OAS3: variants seen among roughly 807,000 people sequenced by gnomAD.
OAS3 encodes the protein 2'-5'-oligoadenylate synthetase 3, also known as 2'-5'-oligoadenylate synthase 3.
Under a neutral mutation model 113.0 loss-of-function variants are expected in OAS3, and 107 were observed. The observed-to-expected ratio is 0.95, with a 90% CI of 0.81 to 1.11. The LOEUF is 1.11. Ranked by LOEUF, OAS3 falls within the 50% of genes most tolerant of loss-of-function variation. The pLI, the probability that OAS3 is intolerant of heterozygous loss-of-function variation, is 0.00. For synonymous variants in OAS3, 552 were observed against 573.6 expected (o/e 0.96, Z 0.54); for missense variants, 1,258 against 1,389.1 (o/e 0.91, Z 1.50).
chr12:112,946,906 T>G lies in OAS3; in HGVS notation c.800T>G (p.Val267Gly), dbSNP rs1263865893. Residue 267 changes from valine to glycine, a missense_variant, in exon 4 of 16, where the codon GTT (valine) becomes GGT (glycine). By Grantham distance (109) the Val-to-Gly change is moderately radical. Transcript: ENST00000228928. ...ATCCAACAGCATCAGCACCTGTGTG[T>G]TTTCTGGACTGTCAACTATGGCTTC... The part of the protein sequence containing the change: ...GLIQQHQHLC[V>G]FWTVNYGFED... 8.7e-6 allele frequency: 14 copies of G among 1,613,886 alleles called. No individual in the cohort carries two copies. Among genetic ancestry groups the G allele is most frequent in the Middle Eastern group, 1.6e-4 (1 of 6,084 alleles).
intron 12 of OAS3, among the ~76,000 whole-genome samples, chr12:112,966,684 T>C (rs973529414): frequency 6.6e-6 from 1 of 152,172 alleles, no homozygotes; most frequent in Non-Finnish European, 1.5e-5. Flanking sequence ...CTTTATCACC[T>C]GGCCTGGAGT....
At chr12:112,946,665 C>A in intron 3 of OAS3, 78 bp from the exon 4 acceptor site, 5 of 1,305,634 alleles carry the variant, frequency 3.8e-6, no homozygotes, top group Non-Finnish European at 5.3e-6. Flanking sequence ...TGGAAGGTCC[C>A]CAGTCTGGTT....
rs764188903 is a variant in OAS3, at chr12:112,948,060, G to A, written c.990G>A (p.Leu330=). The A allele has an allele frequency of 1.3e-6, 2 of 1,581,398 alleles. No individual in the cohort carries two copies. The highest frequency in any genetic ancestry group is 1.2e-5 in the South Asian group (1 of 86,738). The part of the protein sequence containing the change: ...AASCYDHPCF[L]RGMGDPVQSW... ...CCTGCTATGACCACCCATGCTTTCT[G>A]AGGGGGATGGGGGACCCAGTGCAGT... The change falls in exon 5 of 16, where the codon CTG becomes CTA. Residue 330 remains leucine (L), a synonymous_variant. Coordinates refer to ENST00000228928, the MANE Select transcript of OAS3 (RefSeq NM_006187.4).
At chr12:112,952,295 T>C (rs761346961) in intron 7 of OAS3, among the ~76,000 whole-genome samples, 1 of 152,230 alleles carries the variant, frequency 6.6e-6, no homozygotes, top group Non-Finnish European at 1.5e-5. Flanking sequence ...AAGTTATCTT[T>C]GTCTTAAAGC....
chr12:112,942,529 A>G (rs1375543863), intron 2 of OAS3, among the ~76,000 whole-genome samples: 6 of 152,068 alleles, frequency 3.9e-5, no homozygotes, highest in Admixed American at 3.3e-4. Context: ...CAAAATAGCA[A>G]GATCTAGTCT....
At position 112,963,293 on chromosome 12, in the gene OAS3, C is replaced by T. The variant is rs1593183944; in HGVS notation, c.2085-20C>T. 3.9e-6 allele frequency: 6 copies of T among 1,557,764 alleles called. No individual in the cohort carries two copies. The highest frequency in any genetic ancestry group is 5.2e-6 in the Non-Finnish European group (6 of 1,148,348). ...CACTGACTCCCACCTTCCCCACCCA[C>T]CTTCCTGCTGTGCCCCCAGACCCCT... On this transcript the variant is annotated intron_variant, in intron 9 of 15. Coordinates refer to ENST00000228928, the MANE Select transcript of OAS3 (RefSeq NM_006187.4). The surrounding 1 kb of genome is among the most constrained non-coding windows in gnomAD (Gnocchi z 4.6).
Position 112,950,702 on chromosome 12 carries a change from T to C in OAS3, c.1384T>C (p.Phe462Leu), listed in dbSNP as rs1378250552. The C allele has an allele frequency of 1.9e-6, 3 of 1,613,940 alleles. No homozygotes were observed. Among genetic ancestry groups the C allele is most frequent in the Non-Finnish European group, 2.5e-6 (3 of 1,179,844 alleles). Residue 462 changes from phenylalanine (F) to leucine (L), a missense_variant, in exon 7 of 16, where the codon TTT becomes CTT. Phe to Leu is a conservative substitution (Grantham distance 22). Coordinates refer to ENST00000228928, the MANE Select transcript of OAS3 (RefSeq NM_006187.4). ...GTTCTTCCCTCCACAGGGGGGCTCA[T>C]TTGGCCGGGGCACAGACCTAAGGGA... is the stretch of plus-strand genomic sequence containing the variant. ...KASRVSKGGS[F>L]GRGTDLRDGC...
Position 112,946,704 on chromosome 12 carries a change from C to T in OAS3, c.637-39C>T, listed in dbSNP as rs1181929981. The T allele has an allele frequency of 5.2e-6, 8 of 1,543,590 alleles. No individual in the cohort carries two copies. In the East Asian group the frequency reaches 1.4e-4, roughly 28 times the overall value. On this transcript the variant is annotated intron_variant, in intron 3 of 15. Transcript: ENST00000228928. ...CAGAGAGCTGGCTCTCTTTCCTCCCCTTCTTCCTTCTGAGTCCCCTGCCGA... is the reference window on the plus strand; with the variant it reads ...CAGAGAGCTGGCTCTCTTTCCTCCCTTTCTTCCTTCTGAGTCCCCTGCCGA...
intron 7 of OAS3, among the ~76,000 whole-genome samples, chr12:112,955,779 T>C (rs954403395): frequency 7.9e-5 from 12 of 152,212 alleles, no homozygotes; most frequent in Non-Finnish European, 1.6e-4. Context: ...CGCATAGATG[T>C]TCATCAGGGA....
At chr12:112,964,037 G>A (rs369212635) in intron 10 of OAS3, among the ~76,000 whole-genome samples, 198 bp from the exon 11 acceptor site, 2 of 152,344 alleles carry the variant, frequency 1.3e-5, no homozygotes, top group African/African-American at 2.4e-5. Context: ...GGGAAACTGA[G>A]ACTGTGTATT....
intron 11 of OAS3, among the ~76,000 whole-genome samples, chr12:112,965,464 A>G (rs1267361989): frequency 6.6e-6 from 1 of 152,316 alleles, no homozygotes; most frequent in East Asian, 1.9e-4. Context: ...CTGCAGGCCC[A>G]AAAAACCAAC....
Position 112,970,053 on chromosome 12 carries a change from AC to A in OAS3, c.*82del, listed in dbSNP as rs2043970634. Reference sequence around the variant, plus strand: ...AGCATGAGGAAATTCAGGGTCCCCTACCAGATGAGAGAGATTGTGTACATGT... The same window carrying A: ...AGCATGAGGAAATTCAGGGTCCCCTACAGATGAGAGAGATTGTGTACATGT... On this transcript the variant is annotated 3_prime_UTR_variant, in exon 16 of 16. Transcript: ENST00000228928. 6 of 1,502,294 alleles carry A rather than the reference AC, an allele frequency of 4.0e-6. No homozygotes were observed. The South Asian group carries it at 7.1e-5, about 18-fold the overall frequency. 93.1% of individuals were successfully genotyped at this position (1,502,294 alleles called of 1,614,324 possible).
At chr12:112,967,344 G>T in intron 12 of OAS3, 74 bp from the exon 13 acceptor site, 1 of 1,419,280 alleles carries the variant, frequency 7.0e-7, no homozygotes, top group Non-Finnish European at 9.6e-7. Context: ...GGAGATCTCA[G>T]AAGTCCTTTC....
rs773134875 is a variant in OAS3, at chr12:112,944,499, C to T, written c.484C>T (p.Pro162Ser). ...VLGQAGSGVKPKPQVYSTLLN... is the reference protein window; with the variant it reads ...VLGQAGSGVKSKPQVYSTLLN... The stretch of plus-strand genomic sequence containing the variant: ...AGGTCAGGCCGGCTCCGGCGTCAAA[C>T]CCAAGCCACAAGTCTACTCTACCCT... The change falls in exon 3 of 16, where the codon CCC (proline) becomes TCC (serine). Residue 162 changes from proline (P) to serine (S), a missense_variant. By Grantham distance (74) the Pro-to-Ser change is moderately conservative. Transcript: ENST00000228928. 3 of 1,614,070 alleles carry T rather than the reference C, an allele frequency of 1.9e-6. No homozygotes were observed. The highest frequency in any genetic ancestry group is 2.5e-6 in the Non-Finnish European group (3 of 1,179,906).
chr12:112,964,599 G>A (rs879901292), intron 11 of OAS3, among the ~76,000 whole-genome samples, 191 bp downstream of exon 11: 2 of 151,798 alleles, frequency 1.3e-5, no homozygotes, highest in Non-Finnish European at 1.5e-5. Flanking sequence ...GTCTCTTTTG[G>A]TTGCTAGTGA....
chr12:112,949,025 C>A lies in OAS3; in HGVS notation c.1194C>A (p.Val398=). The A allele has an allele frequency of 6.2e-7, 1 of 1,614,074 alleles. No homozygotes were observed. Among genetic ancestry groups the A allele is most frequent in the Non-Finnish European group, 8.5e-7 (1 of 1,179,898 alleles). The change falls in exon 6 of 16, where the codon GTC becomes GTA. Residue 398 remains valine, a synonymous_variant. Coordinates refer to ENST00000228928, the MANE Select transcript of OAS3 (RefSeq NM_006187.4). ...APGPTGAASI[V]PSVPGMALDL... is the part of the protein sequence containing the mutation. ...GCCCCACTGGGGCAGCCAGCATCGT[C>A]CCCTCTGTGCCGGGAATGGCCTTGG...
chr12:112,941,215 A>T (rs1036756581), intron 1 of OAS3, among the ~76,000 whole-genome samples: 3 of 151,836 alleles, frequency 2.0e-5, no homozygotes, highest in African/African-American at 7.3e-5. Flanking sequence ...AAAATGTAAA[A>T]ACTAGCCAGG....
chr12:112,962,912 C>A lies in OAS3; in HGVS notation c.2084+10C>A, dbSNP rs757258052. The A allele has an allele frequency of 6.2e-7, 1 of 1,612,076 alleles. No homozygotes were observed. The highest frequency in any genetic ancestry group is 8.5e-7 in the Non-Finnish European group (1 of 1,178,300). On this transcript the variant is annotated intron_variant, in intron 9 of 15. Transcript: ENST00000228928. ...AGCTTCGAAAACCCAGGTGAAGACC[C>A]GCTTCCCTTTGCCTGGCTTCATTAT...
intron 1 of OAS3, 21 bp downstream of exon 1, chr12:112,938,728 C>T: frequency 7.3e-7 from 1 of 1,363,824 alleles, no homozygotes; most frequent in Non-Finnish European, 9.7e-7. Flanking sequence ...ACCTCGGGGT[C>T]TTTATGTGTC....
Sources: allele counts gnomAD v4.1 joint callset (sites outside exome capture counted in the v4.1 genomes callset), GRCh38; gene constraint gnomAD v4.1.1; non-coding constraint Gnocchi (gnomAD v3.1); transcripts MANE v1.5; gene names NCBI Gene and HGNC (gene_info 2026-07-23, HGNC 2026-07-21).